RSPO2: variants seen among roughly 807,000 people sequenced by gnomAD.
RSPO2 encodes the protein R-spondin-2.
Under a neutral mutation model 30.9 loss-of-function variants are expected in RSPO2, and 14 were observed. The ratio of observed to expected loss-of-function variants is 0.45; its 90% CI spans 0.30 to 0.71. The LOEUF (loss-of-function observed/expected upper bound fraction) is 0.71. Among genes scored for constraint, RSPO2 ranks in the 30% least tolerant of loss-of-function variants. RSPO2 has a pLI of 0.08. For missense variants in RSPO2, 264 were observed against 301.9 expected (o/e 0.87, Z 0.93); for synonymous variants, 107 against 96.4 (o/e 1.11, Z -0.64).
At chr8:107,977,340 C>A (rs753323597) in intron 3 of RSPO2, among the ~76,000 whole-genome samples, 4 of 152,162 alleles carry the variant, frequency 2.6e-5, no homozygotes, top group Non-Finnish European at 5.9e-5. Context: ...GTTAAAAATG[C>A]AAATTCTCGG....
At chr8:107,902,629 A>G (rs981607707) in intron 5 of RSPO2, among the ~76,000 whole-genome samples, 4 of 152,054 alleles carry the variant, frequency 2.6e-5, no homozygotes, top group African/African-American at 4.8e-5. Flanking sequence ...GATGTTTCTT[A>G]TTTCTGTTCT....
At chr8:108,054,799 G>A (rs1238175248) in intron 2 of RSPO2, among the ~76,000 whole-genome samples, 1 of 152,120 alleles carries the variant, frequency 6.6e-6, no homozygotes, top group African/African-American at 2.4e-5. Flanking sequence ...CCCTAGTCCT[G>A]GTCCTCATAG....
At chr8:107,999,445 T>C (rs574623315) in intron 2 of RSPO2, among the ~76,000 whole-genome samples, 1 of 152,062 alleles carries the variant, frequency 6.6e-6, no homozygotes, top group South Asian at 2.1e-4. Context: ...GGAGTTTTTG[T>C]TTGTTTTGAG....
intron 3 of RSPO2, among the ~76,000 whole-genome samples, chr8:107,962,175 T>A (rs2130444898): frequency 6.6e-6 from 1 of 152,254 alleles, no homozygotes; most frequent in Non-Finnish European, 1.5e-5. Flanking sequence ...CAGAAAAGCT[T>A]TAAGACATAT....
chr8:107,903,181 G>A (rs1811532312), intron 5 of RSPO2, among the ~76,000 whole-genome samples: 1 of 152,026 alleles, frequency 6.6e-6, no homozygotes, highest in Non-Finnish European at 1.5e-5. Context: ...AATCATTACT[G>A]ACTACATTTT....
At chr8:108,059,555 A>G (rs1411125412) in intron 2 of RSPO2, among the ~76,000 whole-genome samples, 3 of 150,514 alleles carry the variant, frequency 2.0e-5, no homozygotes, top group Non-Finnish European at 4.4e-5. Context: ...ATGCACACGT[A>G]TGTTTATTGC....
At chr8:107,984,899 AC>A (rs764937740) in intron 3 of RSPO2, among the ~76,000 whole-genome samples, 1 of 152,166 alleles carries the variant, frequency 6.6e-6, no homozygotes, top group Non-Finnish European at 1.5e-5. Flanking sequence ...TTCTTTCTTG[AC>A]ATCAGTGGGA....
At chr8:107,981,272 A>G (rs1453662627) in intron 3 of RSPO2, among the ~76,000 whole-genome samples, 1 of 152,118 alleles carries the variant, frequency 6.6e-6, no homozygotes, top group East Asian at 1.9e-4. Context: ...TAATCTTAGC[A>G]CTTTGGGAGG....
chr8:108,045,864 T>C (rs1811895041), intron 2 of RSPO2, among the ~76,000 whole-genome samples: 1 of 152,150 alleles, frequency 6.6e-6, no homozygotes, highest in African/African-American at 2.4e-5. Context: ...CCGGAATATA[T>C]CTCCAACCAC....
chr8:108,005,063 AAC>A (rs1313175292), intron 2 of RSPO2, among the ~76,000 whole-genome samples: 1 of 152,182 alleles, frequency 6.6e-6, no homozygotes, highest in Non-Finnish European at 1.5e-5. Flanking sequence ...TCATGAGCTT[AAC>A]AGTTTTTAAG....
chr8:107,999,083 ATCTTT>A (rs1252105402), intron 2 of RSPO2, among the ~76,000 whole-genome samples: 77 of 152,298 alleles, frequency 5.1e-4, no homozygotes, highest in African/African-American at 1.9e-3. Flanking sequence ...GAATCTTTTT[ATCTTT>A]TCTTGAGTTC....
intron 3 of RSPO2, among the ~76,000 whole-genome samples, chr8:107,965,182 T>C (rs1239872637): frequency 6.6e-6 from 1 of 152,176 alleles, no homozygotes; most frequent in Non-Finnish European, 1.5e-5. Context: ...TCAGCCAACT[T>C]ACATGCTTCT....
chr8:108,054,572 G>A (rs2167551), intron 2 of RSPO2, among the ~76,000 whole-genome samples: 18,346 of 152,108 alleles, frequency 0.12, 2,321 homozygotes, highest in African/African-American at 0.32. Flanking sequence ...AGCCCCAAGA[G>A]GCAAAAGAAA....
At chr8:108,052,593 G>A (rs1317850176) in intron 2 of RSPO2, among the ~76,000 whole-genome samples, 1 of 152,168 alleles carries the variant, frequency 6.6e-6, no homozygotes, top group African/African-American at 2.4e-5. Flanking sequence ...GCAAGAAAAT[G>A]TCCACAGAGT....
intron 4 of RSPO2, 109 bp from the exon 5 acceptor site, chr8:107,958,377 C>G (rs1813500802): frequency 1.3e-6 from 1 of 785,968 alleles, no homozygotes; most frequent in Non-Finnish European, 2.0e-6. Context: ...CTAACCCCAC[C>G]TTCAGATACC....
chr8:107,933,564 G>A (rs1196435222), intron 5 of RSPO2, among the ~76,000 whole-genome samples: 1 of 152,018 alleles, frequency 6.6e-6, no homozygotes, highest in African/African-American at 2.4e-5. Context: ...ACAGATTTCT[G>A]GTGAAGCACA....
At chr8:107,967,064 C>T (rs1032082905) in intron 3 of RSPO2, among the ~76,000 whole-genome samples, 2 of 152,104 alleles carry the variant, frequency 1.3e-5, no homozygotes, top group South Asian at 2.1e-4. Flanking sequence ...ATGACAAAAA[C>T]AGGGCATTTA....
At chr8:107,937,334 G>T (rs944330540) in intron 5 of RSPO2, among the ~76,000 whole-genome samples, 1 of 151,848 alleles carries the variant, frequency 6.6e-6, no homozygotes, top group South Asian at 2.1e-4. Context: ...GGACTATTTT[G>T]TTCCATTGGT....
At chr8:108,065,139 G>A (rs1812620655) in intron 2 of RSPO2, among the ~76,000 whole-genome samples, 1 of 151,518 alleles carries the variant, frequency 6.6e-6, no homozygotes, top group South Asian at 2.1e-4. Flanking sequence ...CCTGCGCATT[G>A]TGCACATGTA....
Sources: gnomAD v4.1 joint callset for allele counts (sites outside exome capture counted in the v4.1 genomes callset) on GRCh38, gnomAD v4.1.1 for gene constraint, MANE v1.5 for transcripts, NCBI Gene and HGNC (gene_info 2026-07-23, HGNC 2026-07-21) for gene names.